Variants in XRRA1 observed in about 807,000 individuals in gnomAD.
XRRA1 encodes the protein X-ray radiation resistance associated 1.
XRRA1 carries 69 observed loss-of-function variants against 80.2 expected under a neutral mutation model. The ratio of observed to expected loss-of-function variants is 0.86; its 90% confidence interval spans 0.71 to 1.05. The LOEUF (loss-of-function observed/expected upper bound fraction) is 1.05, where lower values mean the gene tolerates loss of function less well. Among genes scored for constraint, XRRA1 ranks in the 50% least tolerant of loss-of-function variants. XRRA1 has a pLI of 0.00. For missense variants in XRRA1, 967 were observed against 976.4 expected, an observed-to-expected ratio of 0.99 and a Z score of 0.13; for synonymous variants, 348 against 389.9, an observed-to-expected ratio of 0.89 and a Z score of 1.27.
chr11:74,928,308 A>G (rs1942741261), intron 6 of XRRA1, among the ~76,000 whole-genome samples: 1 of 152,218 alleles, frequency 6.6e-6, no homozygotes, highest in Non-Finnish European at 1.5e-5. Context: ...CTGGGCTAGG[A>G]GAAACTATAA....
Position 74,936,868 on chromosome 11 carries a change from A to G in XRRA1, c.279+16T>C, listed in dbSNP as rs760971643. 6.2e-7 allele frequency: 1 copy of G among 1,610,286 alleles called. No individual in the cohort carries two copies. Among genetic ancestry groups the G allele is most frequent in the Non-Finnish European group, 8.5e-7 (1 of 1,178,136 alleles). On this transcript the variant is annotated intron_variant, in intron 4 of 18. Transcript: ENST00000684022. ...TAGCTGATGTGCTGGCCACTCCAGG[A>G]TGCATTTACTCTCACCAGAAAAGCC...
At chr11:74,891,417 G>A (rs764784973) in intron 10 of XRRA1, among the ~76,000 whole-genome samples, 4 of 152,128 alleles carry the variant, frequency 2.6e-5, no homozygotes, top group Non-Finnish European at 4.4e-5. Context: ...AATAGTAAGA[G>A]CTATTTATGA....
chr11:74,933,741 G>T (rs1944228037), intron 5 of XRRA1, 60 bp downstream of exon 5: 1 of 1,493,350 alleles, frequency 6.7e-7, no homozygotes, highest in Admixed American at 2.0e-5. Flanking sequence ...AACCACAACA[G>T]CCAGGTGCGC....
In XRRA1 at chr11:74,842,916, A is replaced by C; in HGVS notation, c.*284T>G. 1 of 411,296 alleles carries C rather than the reference A, an allele frequency of 2.4e-6. No homozygotes were observed. The allele number at this position is 411,296 out of a possible 1,614,324, so 25.5% of individuals were successfully genotyped here. A position where few individuals can be genotyped will look rare whatever the true frequency, so the allele number is the denominator to read the frequency against. ...AACCATTTTTAGAGGGAAGTGTGAC[A>C]ATGCTGCTGTGGCCTGGGTTCCAAG... On this transcript the variant is annotated 3_prime_UTR_variant, in exon 19 of 19. Coordinates refer to ENST00000684022, the MANE Select transcript of XRRA1 (RefSeq NM_001378157.1).
chr11:74,889,707 AGATCTACCAAGCAAGTG>A lies in XRRA1; in HGVS notation c.1003+16515_1003+16531del, dbSNP rs1255022152. On this transcript the variant is annotated intron_variant, in intron 10 of 18. Transcript: ENST00000684022. ...AGGCTCAAAATAAAGGGATGGAGGA[AGATCTACCAAGCAAGTG>A]GAAAACAAAAAAAGGCAGGGGTTGC... 2.6e-5 allele frequency among the ~76,000 whole-genome samples: 4 copies of A among 152,346 alleles called. No individual in the cohort carries two copies. In the South Asian group the frequency reaches 6.2e-4, roughly 24 times the overall value.
intron 12 of XRRA1, 64 bp from the exon 13 acceptor site, chr11:74,852,146 T>C: frequency 1.5e-6 from 2 of 1,370,742 alleles, no homozygotes; most frequent in Non-Finnish European, 2.1e-6. Flanking sequence ...CAGGTATGTC[T>C]AGGCCCCTCA....
chr11:74,852,150 C>G (rs1464934705), intron 12 of XRRA1, 68 bp from the exon 13 acceptor site: 2 of 1,310,214 alleles, frequency 1.5e-6, no homozygotes, highest in Admixed American at 3.4e-5. Flanking sequence ...TATGTCTAGG[C>G]CCCTCACTGC....
chr11:74,903,957 A>G (rs77718473), intron 10 of XRRA1, among the ~76,000 whole-genome samples: 3,530 of 152,230 alleles, frequency 0.023, 152 homozygotes, highest in African/African-American at 0.081. Context: ...ATTAAGGATG[A>G]AAGAAAAAAA....
In XRRA1 at chr11:74,841,498, A is replaced by T. The variant is rs1303757918; in HGVS notation, c.*1702T>A. ...GAAAAAGTGCCAAGACTGGATGTGC[A>T]GATTGTTCTATGTATTATCAGTATT... On this transcript the variant is annotated 3_prime_UTR_variant, in exon 19 of 19. Coordinates refer to ENST00000684022, the MANE Select transcript of XRRA1 (RefSeq NM_001378157.1). The T allele has an allele frequency of 6.6e-6, 1 of 152,216 alleles. No individual in the cohort carries two copies. The highest frequency in any genetic ancestry group is 1.9e-4 in the East Asian group (1 of 5,198). 9.4% of individuals were successfully genotyped at this position (152,216 alleles called of 1,614,324 possible). A position where few individuals can be genotyped will look rare whatever the true frequency, so the allele number is the denominator to read the frequency against.
intron 18 of XRRA1, 102 bp from the exon 19 acceptor site, chr11:74,843,555 G>A (rs779728820): frequency 2.7e-6 from 4 of 1,466,248 alleles, no homozygotes; most frequent in South Asian, 1.4e-5. Context: ...ATGGGATGGT[G>A]TGGCAGGAGG....
At chr11:74,850,913 T>C in intron 14 of XRRA1, 175 bp downstream of exon 14, 1 of 419,960 alleles carries the variant, frequency 2.4e-6, no homozygotes, top group Non-Finnish European at 4.3e-6. Flanking sequence ...TATTTTCATA[T>C]CTGTTGTTTC....
chr11:74,885,452 C>T (rs1191614605), intron 10 of XRRA1, among the ~76,000 whole-genome samples: 8 of 151,888 alleles, frequency 5.3e-5, no homozygotes, highest in South Asian at 4.2e-4. Flanking sequence ...TACGAACATA[C>T]GAGGTATAAA....
At chr11:74,890,496 A>G (rs912117509) in intron 10 of XRRA1, among the ~76,000 whole-genome samples, 55 of 152,230 alleles carry the variant, frequency 3.6e-4, no homozygotes, top group Non-Finnish European at 6.6e-4. Flanking sequence ...AAAGAACTAG[A>G]GAAGCAAGAG....
intron 10 of XRRA1, among the ~76,000 whole-genome samples, chr11:74,881,273 T>C (rs1297443474): frequency 1.3e-5 from 2 of 151,606 alleles, no homozygotes; most frequent in Non-Finnish European, 2.9e-5. Context: ...TATCCGAGAC[T>C]AGGATTGCAA....
chr11:74,883,042 G>T (rs1048601264), intron 10 of XRRA1, among the ~76,000 whole-genome samples: 1 of 152,224 alleles, frequency 6.6e-6, no homozygotes. Flanking sequence ...GCTCCACCCA[G>T]TTCGAGCTTC....
rs772467108 is a variant in XRRA1, at chr11:74,851,049, C to A, written c.1380+39G>T. The stretch of plus-strand genomic sequence containing the variant: ...TTTGCATACATTATAATAGGCTGCA[C>A]TCTTCCTGGGGGTGGGAGTCCTGCC... On this transcript the variant is annotated intron_variant, in intron 14 of 18. Transcript: ENST00000684022. 3 of 1,550,808 alleles carry A rather than the reference C, an allele frequency of 1.9e-6. No individual in the cohort carries two copies. In the African/African-American group the frequency reaches 4.1e-5, roughly 21 times the overall value.
At chr11:74,914,238 G>A (rs547410032) in intron 8 of XRRA1, among the ~76,000 whole-genome samples, 38 of 152,164 alleles carry the variant, frequency 2.5e-4, no homozygotes, top group Non-Finnish European at 4.1e-4. Context: ...CACCTGCCTC[G>A]GCCTCCCAAA....
intron 10 of XRRA1, among the ~76,000 whole-genome samples, chr11:74,875,548 C>A (rs1285074771): frequency 3.9e-5 from 6 of 152,144 alleles, no homozygotes; most frequent in Admixed American, 3.9e-4. Context: ...TAATAACAGT[C>A]AAGCAGCTTG....
chr11:74,913,897 T>G (rs1937609075), intron 8 of XRRA1: 1 of 152,232 alleles, frequency 6.6e-6, no homozygotes, highest in Non-Finnish European at 1.5e-5. Context: ...GACATAATCC[T>G]GTACCTTGCT....
Sources: allele counts gnomAD v4.1 joint callset (sites outside exome capture counted in the v4.1 genomes callset), GRCh38; gene constraint gnomAD v4.1.1; transcripts MANE v1.5; gene names NCBI Gene and HGNC (gene_info 2026-07-23, HGNC 2026-07-21).